Variants in DCBLD1 observed in about 807,000 individuals in gnomAD.
The protein encoded by DCBLD1 is discoidin, CUB and LCCL domain-containing protein 1.
In DCBLD1, 57 loss-of-function variants were observed where a neutral mutation model predicts 71.5. The ratio of observed to expected loss-of-function variants is 0.80; its 90% CI spans 0.64 to 0.99. The LOEUF (loss-of-function observed/expected upper bound fraction) is 0.99. Ranked by LOEUF, DCBLD1 falls within the 50% of genes least tolerant of loss-of-function variation. The pLI, the probability that DCBLD1 is intolerant of heterozygous loss-of-function variation, is 0.00. For synonymous variants in DCBLD1, 380 were observed against 363.8 expected (o/e 1.04, Z -0.51); for missense variants, 891 against 923.5 (o/e 0.96, Z 0.46).
intron 2 of DCBLD1, among the ~76,000 whole-genome samples, chr6:117,505,994 T>A (rs1777830040): frequency 1.3e-5 from 2 of 152,174 alleles, no homozygotes; most frequent in African/African-American, 4.8e-5. Context: ...AGCCAATTAA[T>A]TTTTCTCCTT....
intron 1 of DCBLD1, among the ~76,000 whole-genome samples, chr6:117,487,746 A>G (rs1437554495): frequency 3.9e-5 from 6 of 152,202 alleles, no homozygotes; most frequent in Non-Finnish European, 8.8e-5. Context: ...TCATTCTGGC[A>G]TATTAGAAAT....
chr6:117,540,754 C>T lies in DCBLD1; in HGVS notation c.1188C>T (p.Pro396=), dbSNP rs201171776. 2 of 1,614,220 alleles carry T rather than the reference C, an allele frequency of 1.2e-6. No individual in the cohort carries two copies. Among genetic ancestry groups the T allele is most frequent in the East Asian group, 2.2e-5 (1 of 44,892 alleles). The change falls in exon 10 of 15, where the codon CCC becomes CCT. Residue 396 remains proline, a synonymous_variant. Transcript: ENST00000338728. ...PIVARYVRVV[P]QTWHQRIALK... is the part of the protein sequence containing the mutation. ...TGGCCAGATATGTGCGGGTTGTCCC[C>T]CAGACATGGCACCAGAGGATAGCCT...
rs1219093793 is a variant in DCBLD1 at position 117,503,876 on chromosome 6, A to G, written c.222A>G (p.Val74=). 5.0e-6 allele frequency: 8 copies of G among 1,614,150 alleles called. No individual in the cohort carries two copies. Among genetic ancestry groups the G allele is most frequent in the Non-Finnish European group, 6.8e-6 (8 of 1,179,998 alleles). ...CTGTTTGCGAAAAGACAATTACAGTACCAAAGGGGAAAAGACTGATTCTGA... is the reference window on the plus strand; with the variant it reads ...CTGTTTGCGAAAAGACAATTACAGTGCCAAAGGGGAAAAGACTGATTCTGA... The part of the protein sequence containing the change: ...NHTVCEKTIT[V]PKGKRLILRL... The change falls in exon 2 of 15, where the codon GTA becomes GTG. Residue 74 remains valine (V), a synonymous_variant. Transcript: ENST00000338728.
At chr6:117,487,166 T>G (rs1377525255) in intron 1 of DCBLD1, among the ~76,000 whole-genome samples, 1 of 152,162 alleles carries the variant, frequency 6.6e-6, no homozygotes, top group Admixed American at 6.6e-5. Context: ...TAATTTACAC[T>G]TTAAATTGAC....
chr6:117,560,196 G>C (rs561802732), intron 14 of DCBLD1: 42 of 163,080 alleles, frequency 2.6e-4, no homozygotes, highest in Middle Eastern at 2.7e-3. Flanking sequence ...ATTAAGCCAA[G>C]TCCTTTGCAC....
In DCBLD1 at chr6:117,525,370, G is replaced by A. The variant is rs1429617199; in HGVS notation, c.521G>A (p.Cys174Tyr). ...HYLKTEYSKF[C>Y]PAGCRDVAGD... ...TATTTTTCTTTTTCCAGCAAATTCTGCCCAGCTGGTTGTAGAGACGTAGCA... is the reference window on the plus strand; with the variant it reads ...TATTTTTCTTTTTCCAGCAAATTCTACCCAGCTGGTTGTAGAGACGTAGCA... The change falls in exon 5 of 15, where the codon TGC (cysteine) becomes TAC (tyrosine). Residue 174 changes from cysteine to tyrosine, a missense_variant. By Grantham distance (194) the Cys-to-Tyr change is radical. Transcript: ENST00000338728. 2 of 1,471,542 alleles carry A rather than the reference G, an allele frequency of 1.4e-6. No homozygotes were observed. The highest frequency in any genetic ancestry group is 1.8e-6 in the Non-Finnish European group (2 of 1,110,640). The allele number at this position is 1,471,542 out of a possible 1,614,324, so 91.2% of individuals were successfully genotyped here.
At chr6:117,486,641 A>G (rs1331927286) in intron 1 of DCBLD1, among the ~76,000 whole-genome samples, 1 of 152,212 alleles carries the variant, frequency 6.6e-6, no homozygotes, top group Non-Finnish European at 1.5e-5. Flanking sequence ...CTTGCCCCAA[A>G]TATCCACAAA....
At chr6:117,563,116 C>T (rs1202174294) in intron 14 of DCBLD1, 6 of 717,628 alleles carry the variant, frequency 8.4e-6, no homozygotes, top group East Asian at 7.5e-5. Context: ...GAATTGTTCA[C>T]ATGAAGCCCT....
At position 117,548,614 on chromosome 6, in the gene DCBLD1, T is replaced by A; in HGVS notation, c.*175T>A. 4 of 1,434,324 alleles carry A rather than the reference T, an allele frequency of 2.8e-6. No individual in the cohort carries two copies. The highest frequency in any genetic ancestry group is 3.6e-6 in the Non-Finnish European group (4 of 1,098,588). The allele number at this position is 1,434,324 out of a possible 1,614,324, so 88.8% of individuals were successfully genotyped here. On this transcript the variant is annotated 3_prime_UTR_variant, in exon 15 of 15. Transcript: ENST00000338728. ...CAACCTGTCATACTGTTTACAAAAT[T>A]GTGCAGCTGGTTTCGTGCTGACCCT...
intron 5 of DCBLD1, among the ~76,000 whole-genome samples, chr6:117,529,541 A>T (rs1038987603): frequency 2.0e-5 from 3 of 152,216 alleles, no homozygotes; most frequent in Non-Finnish European, 4.4e-5. Flanking sequence ...GCTAGAAAAT[A>T]AAAGTATAAA....
chr6:117,489,690 A>T (rs934956467), intron 1 of DCBLD1, among the ~76,000 whole-genome samples: 11 of 152,068 alleles, frequency 7.2e-5, no homozygotes, highest in Admixed American at 7.2e-4. Context: ...CAAGACCATC[A>T]TGGTCTAACT....
chr6:117,565,095 G>A (rs1779668736), intron 14 of DCBLD1, among the ~76,000 whole-genome samples: 1 of 152,038 alleles, frequency 6.6e-6, no homozygotes, highest in Non-Finnish European at 1.5e-5. Flanking sequence ...TCATTTCTTT[G>A]TTAAAAATGA....
chr6:117,511,306 A>G (rs1338991353), intron 2 of DCBLD1, among the ~76,000 whole-genome samples: 1 of 152,232 alleles, frequency 6.6e-6, no homozygotes, highest in East Asian at 1.9e-4. Flanking sequence ...TTGAAAGTTC[A>G]AAAAATGTTT....
At chr6:117,508,147 A>G (rs1321812) in intron 2 of DCBLD1, 151,207 of 152,296 alleles carry the variant, frequency 0.99, 75,065 homozygotes, top group East Asian at 1. Context: ...AGAAATTTGG[A>G]CACATAAGAT....
intron 1 of DCBLD1, among the ~76,000 whole-genome samples, chr6:117,489,292 T>C (rs186058965): frequency 1.3e-5 from 2 of 152,214 alleles, no homozygotes; most frequent in African/African-American, 4.8e-5. Context: ...TGTGAAGTAG[T>C]AGCAAGAACT....
intron 14 of DCBLD1, among the ~76,000 whole-genome samples, chr6:117,558,441 T>G (rs1429121884): frequency 1.3e-5 from 2 of 152,198 alleles, no homozygotes; most frequent in Non-Finnish European, 2.9e-5. Context: ...TTTTTCCAAT[T>G]TAATAATTTT....
intron 6 of DCBLD1, among the ~76,000 whole-genome samples, chr6:117,534,552 T>G (rs17575449): frequency 0.028 from 4,272 of 152,300 alleles, 81 homozygotes; most frequent in East Asian, 0.054. Context: ...GCTCTCAATC[T>G]GTTTTTTGGA....
intron 1 of DCBLD1, 54 bp from the exon 2 acceptor site, chr6:117,503,713 G>C: frequency 2.5e-6 from 4 of 1,576,510 alleles, no homozygotes; most frequent in Non-Finnish European, 3.5e-6. Context: ...TCAATCCTCA[G>C]TAAGAATTAA....
rs1188488345 is a variant in DCBLD1, at chr6:117,549,390, A to G, written c.*951A>G. Reference sequence around the variant, plus strand: ...AAATCGAGCTTTTCTACTGACATGAAACTGTTGGAAACTGATCTCATTTTA... The same window carrying G: ...AAATCGAGCTTTTCTACTGACATGAGACTGTTGGAAACTGATCTCATTTTA... On this transcript the variant is annotated 3_prime_UTR_variant, in exon 15 of 15. Transcript: ENST00000338728. 2 of 985,308 alleles carry G rather than the reference A, an allele frequency of 2.0e-6. No homozygotes were observed. Among genetic ancestry groups the G allele is most frequent in the East Asian group, 2.3e-4 (2 of 8,830 alleles). The allele number at this position is 985,308 out of a possible 1,614,324, so 61.0% of individuals were successfully genotyped here.
Sources: allele counts gnomAD v4.1 joint callset (sites outside exome capture counted in the v4.1 genomes callset), GRCh38; gene constraint gnomAD v4.1.1; transcripts MANE v1.5; gene names NCBI Gene and HGNC (gene_info 2026-07-23, HGNC 2026-07-21).